CEMIP2: variants seen among roughly 807,000 people sequenced by gnomAD.
The protein encoded by CEMIP2 is cell migration inducing hyaluronidase 2.
In CEMIP2, 79 loss-of-function variants were observed where a neutral mutation model predicts 146.9. The ratio of observed to expected loss-of-function variants is 0.54; its 90% CI spans 0.45 to 0.65. CEMIP2 has a LOEUF of 0.65. Ranked by LOEUF, CEMIP2 falls within the 30% of genes least tolerant of loss-of-function variation. The pLI is 0.00. For missense variants in CEMIP2, 1,596 were observed against 1,696.2 expected (o/e 0.94, Z 1.04); for synonymous variants, 601 against 606.3 (o/e 0.99, Z 0.13).
intron 4 of CEMIP2, among the ~76,000 whole-genome samples, chr9:71,741,649 T>C (rs1453753724): frequency 1.5e-5 from 2 of 136,740 alleles, no homozygotes; most frequent in African/African-American, 5.4e-5. Context: ...TTTTTTTTTT[T>C]TTTTTTGAGA....
Position 71,709,273 on chromosome 9 carries a change from C to T in CEMIP2, c.2971G>A (p.Gly991Arg). 1.9e-6 allele frequency: 3 copies of T among 1,614,176 alleles called. No homozygotes were observed. Among genetic ancestry groups the T allele is most frequent in the Middle Eastern group, 1.6e-4 (1 of 6,062 alleles). ...GCTAAGCCTACCTGTGCATAGGTCC[C>T]ACTGCAGATCACTGCATTCCACTTA... Reference protein sequence around the residue: ...VSKWNAVICSGTYAQVYVQTW... With the variant: ...VSKWNAVICSRTYAQVYVQTW... The change falls in exon 17 of 24, where the codon GGG becomes AGG. Residue 991 changes from glycine to arginine, a missense_variant. Coordinates refer to ENST00000377044, the MANE Select transcript of CEMIP2 (RefSeq NM_013390.3).
intron 16 of CEMIP2, among the ~76,000 whole-genome samples, chr9:71,711,243 A>G (rs1196133209): frequency 5.3e-5 from 8 of 151,864 alleles, no homozygotes; most frequent in Admixed American, 5.2e-4. Flanking sequence ...CTTCATAAAA[A>G]CCTTCCAACA....
At chr9:71,702,600 G>A (rs963758518) in intron 18 of CEMIP2, among the ~76,000 whole-genome samples, 2 of 151,968 alleles carry the variant, frequency 1.3e-5, no homozygotes, top group East Asian at 1.9e-4. Context: ...TCCTTATTTT[G>A]TTTAATGAAT....
At chr9:71,729,092 G>A (rs897063111) in intron 10 of CEMIP2, among the ~76,000 whole-genome samples, 2 of 151,792 alleles carry the variant, frequency 1.3e-5, no homozygotes, top group South Asian at 4.2e-4. Flanking sequence ...CAACAGCCTC[G>A]GCCTCCCAAA....
chr9:71,694,015 C>T (rs1361199403), intron 21 of CEMIP2, among the ~76,000 whole-genome samples: 1 of 152,222 alleles, frequency 6.6e-6, no homozygotes, highest in African/African-American at 2.4e-5. Context: ...ATGAACCAGG[C>T]TCACCAGACA....
At chr9:71,728,295 A>ATATG (rs1554684785) in intron 10 of CEMIP2, among the ~76,000 whole-genome samples, 3 of 43,234 alleles carry the variant, frequency 6.9e-5, no homozygotes, top group African/African-American at 2.6e-4. Context: ...ATATATATAT[A>ATATG]TATATACATA....
chr9:71,699,068 C>T (rs1449627649), intron 19 of CEMIP2: 5 of 151,770 alleles, frequency 3.3e-5, no homozygotes, highest in South Asian at 2.0e-4. Context: ...ACCCGCAATT[C>T]GCAATTACTT....
Position 71,714,975 on chromosome 9 carries a change from A to C in CEMIP2, c.2550T>G (p.Thr850=), listed in dbSNP as rs2131917404. The C allele has an allele frequency of 6.2e-7, 1 of 1,613,982 alleles. No individual in the cohort carries two copies. Among genetic ancestry groups the C allele is most frequent in the Non-Finnish European group, 8.5e-7 (1 of 1,179,932 alleles). Residue 850 remains threonine (T), a synonymous_variant, in exon 15 of 24, where the codon ACT becomes ACG. Coordinates refer to ENST00000377044, the MANE Select transcript of CEMIP2 (RefSeq NM_013390.3). ...FQGGQNKYVG[T]GGIDQKPRTL... is the part of the protein sequence containing the mutation. ...TTCGAGGCTTCTGGTCTATTCCTCC[A>C]GTGCCTACATACTTGTTCTGACCAC...
chr9:71,688,738 A>AG (rs1822143893), intron 22 of CEMIP2, among the ~76,000 whole-genome samples: 1 of 152,140 alleles, frequency 6.6e-6, no homozygotes, highest in South Asian at 2.1e-4. Flanking sequence ...TTAGTGCAGC[A>AG]GTCTAAGCAC....
chr9:71,685,377 CA>C lies in CEMIP2; in HGVS notation c.3971del (p.Leu1324TrpfsTer53). The C allele has an allele frequency of 8.1e-7, 1 of 1,234,100 alleles. No individual in the cohort carries two copies. The highest frequency in any genetic ancestry group is 1.1e-6 in the Non-Finnish European group (1 of 948,710). 76.4% of individuals were successfully genotyped at this position (1,234,100 alleles called of 1,614,324 possible). Reference sequence around the variant, plus strand: ...ATGGTTTAAAGTTTCCACTGAATCCCAAAAATATGGTACTCCCTAAAAAAAA... The same window carrying C: ...ATGGTTTAAAGTTTCCACTGAATCCCAAAATATGGTACTCCCTAAAAAAAA... ...HLYDKGSTIF[L>X]GFSGNFKPSW... On this transcript the variant is annotated frameshift_variant, in exon 24 of 24. Coordinates refer to ENST00000377044, the MANE Select transcript of CEMIP2 (RefSeq NM_013390.3). LOFTEE classifies it high-confidence loss of function.
At chr9:71,728,459 G>A (rs556130628) in intron 10 of CEMIP2, among the ~76,000 whole-genome samples, 1 of 148,918 alleles carries the variant, frequency 6.7e-6, no homozygotes, top group Non-Finnish European at 1.5e-5. Flanking sequence ...TTCAACCTGG[G>A]TGACAGAGCA....
Position 71,684,152 on chromosome 9 carries a change from C to G in CEMIP2, c.*1045G>C, listed in dbSNP as rs1391123741. The G allele has an allele frequency of 6.6e-6, 1 of 152,210 alleles. No homozygotes were observed. Among genetic ancestry groups the G allele is most frequent in the African/African-American group, 2.4e-5 (1 of 41,448 alleles). 9.4% of individuals were successfully genotyped at this position (152,210 alleles called of 1,614,324 possible). Reference sequence around the variant, plus strand: ...ATTTCTGAGTATTCTCTCCACGATTCTGACCCTAGAAAGCGCTCCTTTTTT... The same window carrying G: ...ATTTCTGAGTATTCTCTCCACGATTGTGACCCTAGAAAGCGCTCCTTTTTT... On this transcript the variant is annotated 3_prime_UTR_variant, in exon 24 of 24. Transcript: ENST00000377044.
chr9:71,694,579 C>A lies in CEMIP2; in HGVS notation c.3626G>T (p.Ser1209Ile). 1 of 1,613,852 alleles carries A rather than the reference C, an allele frequency of 6.2e-7. No individual in the cohort carries two copies. Among genetic ancestry groups the A allele is most frequent in the African/African-American group, 1.3e-5 (1 of 75,022 alleles). ...QVVFTSDPHK[S>I]YLPVQFQSPD... ...TGACTGGAATTGCACAGGGAGGTAA[C>A]TTTTATGAGGATCACTAGTAAACAC... is the stretch of plus-strand genomic sequence containing the variant. Residue 1209 changes from serine (S) to isoleucine (I), a missense_variant, in exon 21 of 24, where the codon AGT (serine) becomes ATT (isoleucine). Ser to Ile is a moderately radical substitution (Grantham distance 142). Coordinates refer to ENST00000377044, the MANE Select transcript of CEMIP2 (RefSeq NM_013390.3).
At chr9:71,765,845 T>C (rs1354090176) in intron 1 of CEMIP2, among the ~76,000 whole-genome samples, 3 of 152,114 alleles carry the variant, frequency 2.0e-5, no homozygotes, top group Non-Finnish European at 4.4e-5. Flanking sequence ...ACTCCTTCTC[T>C]TTACCAACAT....
At chr9:71,749,705 A>G (rs1232848596) in intron 2 of CEMIP2, among the ~76,000 whole-genome samples, 2 of 151,976 alleles carry the variant, frequency 1.3e-5, no homozygotes, top group Non-Finnish European at 2.9e-5. Flanking sequence ...GACTGCCTCA[A>G]AAAAAGAAAA....
chr9:71,747,368 C>T (rs963208595), intron 2 of CEMIP2, among the ~76,000 whole-genome samples: 2 of 152,144 alleles, frequency 1.3e-5, no homozygotes, highest in Non-Finnish European at 2.9e-5. Flanking sequence ...GGTAGTCAGT[C>T]GAGGTTCAAA....
rs1426357077 is a variant in CEMIP2, at chr9:71,768,342, C to A, written c.-13+15G>T. The A allele has an allele frequency of 2.6e-5, 4 of 152,138 alleles. No homozygotes were observed. Among genetic ancestry groups the A allele is most frequent in the African/African-American group, 7.2e-5 (3 of 41,514 alleles). 9.4% of individuals were successfully genotyped at this position (152,138 alleles called of 1,614,324 possible). The stretch of plus-strand genomic sequence containing the variant: ...GGAGCGGGGTGGGGGGGCGGGTGAC[C>A]GAGTCGCTTCTTACCTTCCCCTACC... On this transcript the variant is annotated intron_variant, in intron 1 of 23. Transcript: ENST00000377044.
intron 1 of CEMIP2, among the ~76,000 whole-genome samples, chr9:71,760,330 T>C (rs928805033): frequency 3.9e-5 from 6 of 152,236 alleles, no homozygotes; most frequent in African/African-American, 1.2e-4. Context: ...TGGACTCTCC[T>C]GTTAAAATAT....
chr9:71,710,120 GCTC>G (rs368803283), intron 16 of CEMIP2, among the ~76,000 whole-genome samples: 129 of 152,186 alleles, frequency 8.5e-4, no homozygotes, highest in African/African-American at 2.9e-3. Context: ...TTACTATCTC[GCTC>G]CTCAATACAG....
Sources: allele counts gnomAD v4.1 joint callset (sites outside exome capture counted in the v4.1 genomes callset), GRCh38; gene constraint gnomAD v4.1.1; transcripts MANE v1.5; gene names NCBI Gene and HGNC (gene_info 2026-07-23, HGNC 2026-07-21).